Variants in OSBPL10 observed in about 807,000 individuals in gnomAD.
OSBPL10 encodes oxysterol binding protein like 10, also known as oxysterol-binding protein-related protein 10.
In OSBPL10, 49 loss-of-function variants were observed where a neutral mutation model predicts 81.7. The ratio of observed to expected loss-of-function variants is 0.60; its 90% CI spans 0.48 to 0.76. The LOEUF (loss-of-function observed/expected upper bound fraction) is 0.76. Among genes scored for constraint, OSBPL10 ranks in the 30% least tolerant of loss-of-function variants. The pLI is 0.00. For synonymous variants in OSBPL10, 419 were observed against 383.6 expected, an observed-to-expected ratio of 1.09 and a Z score of -1.08; for missense variants, 923 against 987.8, an observed-to-expected ratio of 0.93 and a Z score of 0.88.
At chr3:31,886,717 G>A (rs1044716685) in intron 1 of OSBPL10, among the ~76,000 whole-genome samples, 8 of 152,254 alleles carry the variant, frequency 5.3e-5, no homozygotes, top group Admixed American at 2.6e-4. Context: ...TGAGGCGGGC[G>A]GATCACGAGG....
chr3:31,693,146 G>A (rs1434631860), intron 7 of OSBPL10, among the ~76,000 whole-genome samples: 1 of 152,156 alleles, frequency 6.6e-6, no homozygotes, highest in Non-Finnish European at 1.5e-5. Context: ...AAGAGAAGTG[G>A]AAGCAGGATC....
At chr3:31,915,082 A>T (rs566371993) in intron 1 of OSBPL10, among the ~76,000 whole-genome samples, 9 of 152,182 alleles carry the variant, frequency 5.9e-5, no homozygotes, top group Non-Finnish European at 1.3e-4. Context: ...AAGCACAGGT[A>T]TTACAGGTGT....
intron 3 of OSBPL10, among the ~76,000 whole-genome samples, chr3:31,873,414 A>G (rs1485739224): frequency 6.6e-6 from 1 of 152,166 alleles, no homozygotes; most frequent in African/African-American, 2.4e-5. Context: ...TTCATCAGGT[A>G]GTGACTAAGG....
chr3:31,923,173 T>A (rs1219816557), intron 1 of OSBPL10, among the ~76,000 whole-genome samples: 1 of 152,126 alleles, frequency 6.6e-6, no homozygotes, highest in Admixed American at 6.5e-5. Context: ...TGAAGGCAAG[T>A]AGCCAAATCC....
chr3:31,681,965 C>A (rs1051302843), intron 8 of OSBPL10, among the ~76,000 whole-genome samples: 2 of 152,192 alleles, frequency 1.3e-5, no homozygotes, highest in East Asian at 3.9e-4. Context: ...CCTCAAGTCT[C>A]CCCATCTCAG....
At chr3:31,726,892 C>T (rs960283322) in intron 6 of OSBPL10, among the ~76,000 whole-genome samples, 1 of 151,640 alleles carries the variant, frequency 6.6e-6, no homozygotes, top group African/African-American at 2.4e-5. Flanking sequence ...CACCAAGGTT[C>T]AAATGCAGTG....
intron 3 of OSBPL10, among the ~76,000 whole-genome samples, chr3:31,834,452 G>A (rs963783993): frequency 3.3e-5 from 5 of 152,112 alleles, no homozygotes; most frequent in African/African-American, 9.7e-5. Context: ...CTGATGATGC[G>A]GGACAGCAAA....
At chr3:31,965,851 A>ATATATTATATATAGTCTATAAAT (rs1467396829) in intron 1 of OSBPL10, among the ~76,000 whole-genome samples, 1 of 61,728 alleles carries the variant, frequency 1.6e-5, no homozygotes, top group African/African-American at 6.9e-5. Flanking sequence ...ATTATATAAA[A>ATATATTATATATAGTCTATAAAT]AGATAATATA....
At chr3:31,860,999 C>T (rs1020457881) in intron 3 of OSBPL10, among the ~76,000 whole-genome samples, 3 of 151,908 alleles carry the variant, frequency 2.0e-5, no homozygotes, top group Admixed American at 6.6e-5. Context: ...TTGTGAACCA[C>T]ACATGGGCAA....
chr3:31,728,317 T>A (rs1023969284), intron 6 of OSBPL10, among the ~76,000 whole-genome samples: 6 of 152,178 alleles, frequency 3.9e-5, no homozygotes, highest in African/African-American at 9.7e-5. Context: ...GAGTTGACAG[T>A]ATGCTATTGA....
At chr3:31,829,154 G>C (rs1700171004) in intron 4 of OSBPL10, among the ~76,000 whole-genome samples, 1 of 152,170 alleles carries the variant, frequency 6.6e-6, no homozygotes, top group African/African-American at 2.4e-5. Context: ...GTCTCATTCT[G>C]TGTGACACGG....
intron 4 of OSBPL10, among the ~76,000 whole-genome samples, chr3:31,760,123 A>T (rs1697990469): frequency 6.6e-6 from 1 of 152,222 alleles, no homozygotes; most frequent in Non-Finnish European, 1.5e-5. Flanking sequence ...ATTAAGTGGA[A>T]GTGAATCACC....
chr3:31,964,679 G>C (rs1012995147), intron 1 of OSBPL10, among the ~76,000 whole-genome samples: 3 of 152,100 alleles, frequency 2.0e-5, no homozygotes, highest in Non-Finnish European at 4.4e-5. Flanking sequence ...ATAATGATAG[G>C]TGTGCCTCAT....
intron 4 of OSBPL10, among the ~76,000 whole-genome samples, chr3:31,785,261 A>C (rs1253271349): frequency 1.3e-5 from 2 of 152,246 alleles, no homozygotes. Context: ...AACTGTATAT[A>C]TGACCTCAAT....
chr3:31,700,962 T>C (rs755571836), intron 7 of OSBPL10, among the ~76,000 whole-genome samples: 2 of 152,194 alleles, frequency 1.3e-5, no homozygotes, highest in Non-Finnish European at 2.9e-5. Flanking sequence ...GAACTTTCTA[T>C]GTCTGGCGTC....
At chr3:31,994,333 C>T (rs1699065922) in intron 2 of OSBPL10, among the ~76,000 whole-genome samples, 1 of 152,100 alleles carries the variant, frequency 6.6e-6, no homozygotes, top group Non-Finnish European at 1.5e-5. Flanking sequence ...ACAAGAGCTC[C>T]AGGCCTCATA....
At chr3:31,690,398 C>A (rs1695498716) in intron 7 of OSBPL10, among the ~76,000 whole-genome samples, 1 of 152,164 alleles carries the variant, frequency 6.6e-6, no homozygotes, top group East Asian at 1.9e-4. Context: ...AACCTCTTTT[C>A]TTTATAAATT....
At position 31,827,483 on chromosome 3, in the gene OSBPL10, A is replaced by T. The variant is rs151172710; in HGVS notation, c.729+2557T>A. On this transcript the variant is annotated intron_variant, in intron 4 of 11. Coordinates refer to ENST00000396556, the MANE Select transcript of OSBPL10 (RefSeq NM_017784.5). Reference sequence around the variant, plus strand: ...AACCCCGTCTCTACCAAAAATACAAAAAATTAGCCAGGCGTGGTGGTGGAT... The same window carrying T: ...AACCCCGTCTCTACCAAAAATACAATAAATTAGCCAGGCGTGGTGGTGGAT... Among the ~76,000 whole-genome samples the T allele has an allele frequency of 6.0e-3, 913 of 152,160 alleles. 8 individuals are homozygous for T. Among genetic ancestry groups the T allele is most frequent in the Middle Eastern group, 0.014 (4 of 294 alleles).
chr3:31,965,374 A>AAT, intron 1 of OSBPL10, among the ~76,000 whole-genome samples: 1 of 117,116 alleles, frequency 8.5e-6, no homozygotes, highest in East Asian at 2.5e-4. Context: ...CATCTCAAAA[A>AAT]ATATATATAT....
Sources: gnomAD v4.1 joint callset for allele counts (sites outside exome capture counted in the v4.1 genomes callset) on GRCh38, gnomAD v4.1.1 for gene constraint, MANE v1.5 for transcripts, NCBI Gene and HGNC (gene_info 2026-07-23, HGNC 2026-07-21) for gene names.